Variants in TPP2 observed in about 807,000 individuals in gnomAD.
TPP2 encodes the protein tripeptidyl peptidase 2.
Under a neutral mutation model 155.9 loss-of-function variants are expected in TPP2, and 34 were observed. That is an observed-to-expected ratio of 0.22 (90% CI 0.17 to 0.29). The LOEUF (loss-of-function observed/expected upper bound fraction) is 0.29, where lower values mean the gene tolerates loss of function less well. TPP2 is among the 10% of genes least tolerant of loss of function. The probability of loss-of-function intolerance (pLI) is 1.00; values close to 1 mark genes in which losing one functional copy is unlikely to be tolerated. For synonymous variants in TPP2, 510 were observed against 529.4 expected (o/e 0.96, Z 0.50); for missense variants, 1,028 against 1,522.3 (o/e 0.68, Z 5.40).
chr13:102,626,848 A>G (rs889922754), intron 6 of TPP2, 164 bp from the exon 7 acceptor site: 1 of 480,962 alleles, frequency 2.1e-6, no homozygotes, highest in Admixed American at 3.9e-5. Flanking sequence ...TCAGCTATAC[A>G]TGTTGCAAAT....
At chr13:102,600,717 G>GA (rs112879304) in intron 1 of TPP2, among the ~76,000 whole-genome samples, 446 of 151,590 alleles carry the variant, frequency 2.9e-3, no homozygotes, top group South Asian at 6.0e-3. Flanking sequence ...CTCATAGAGG[G>GA]AAAAAAAAGG....
At chr13:102,672,911 T>C (rs889365099) in intron 27 of TPP2, among the ~76,000 whole-genome samples, 2 of 152,230 alleles carry the variant, frequency 1.3e-5, no homozygotes, top group Non-Finnish European at 2.9e-5. Context: ...TTTGAGGCAC[T>C]GTGCTGAGAA....
chr13:102,666,625 C>T (rs1260009459), intron 27 of TPP2, among the ~76,000 whole-genome samples: 1 of 152,066 alleles, frequency 6.6e-6, no homozygotes, highest in East Asian at 1.9e-4. Flanking sequence ...TTCTCAAACT[C>T]GGGTGTTACA....
intron 11 of TPP2, among the ~76,000 whole-genome samples, chr13:102,634,655 CCA>C (rs1026944374): frequency 2.7e-4 from 41 of 152,330 alleles, no homozygotes; most frequent in Non-Finnish European, 3.4e-4. Flanking sequence ...CTCACCCACA[CCA>C]CAGTTTCTTC....
chr13:102,666,989 C>G (rs1446058168), intron 27 of TPP2, among the ~76,000 whole-genome samples: 1 of 151,918 alleles, frequency 6.6e-6, no homozygotes, highest in Non-Finnish European at 1.5e-5. Context: ...TTTGCTTTGG[C>G]CTGACTGAAA....
intron 29 of TPP2, among the ~76,000 whole-genome samples, chr13:102,676,763 A>C (rs998120982): frequency 2.6e-5 from 4 of 152,226 alleles, no homozygotes; most frequent in African/African-American, 9.6e-5. Context: ...AAATGGTTCA[A>C]CTTCTGGAGT....
At position 102,618,757 on chromosome 13, in the gene TPP2, A is replaced by G; in HGVS notation, c.531A>G (p.Gln177=). 1 of 1,613,964 alleles carries G rather than the reference A, an allele frequency of 6.2e-7. No individual in the cohort carries two copies. Among genetic ancestry groups the G allele is most frequent in the Non-Finnish European group, 8.5e-7 (1 of 1,179,878 alleles). Residue 177 remains glutamine (Q), a synonymous_variant, in exon 5 of 30, where the codon CAA becomes CAG. Coordinates refer to ENST00000376052, the MANE Select transcript of TPP2 (RefSeq NM_001330588.2). ...NKLIKEELQS[Q]VELLNSFEKK... is the part of the protein sequence containing the mutation. ...TAATCAAGGAGGAACTTCAAAGTCA[A>G]GTGGAATTGCTAAATTCTTTTGAGA...
chr13:102,597,664 C>T (rs1879074417), intron 1 of TPP2, among the ~76,000 whole-genome samples: 2 of 152,346 alleles, frequency 1.3e-5, no homozygotes, highest in East Asian at 3.9e-4. Context: ...AATTTTACAG[C>T]TTTTATCATT....
At chr13:102,644,176 A>T (rs1007816044) in intron 17 of TPP2, among the ~76,000 whole-genome samples, 10 of 152,086 alleles carry the variant, frequency 6.6e-5, no homozygotes, top group Non-Finnish European at 1.3e-4. Flanking sequence ...AATTGTGCCT[A>T]TTGAGTATGC....
Position 102,643,333 on chromosome 13 carries a change from C to G in TPP2, c.2132C>G (p.Ser711Cys), listed in dbSNP as rs1311867975. The G allele has an allele frequency of 5.6e-6, 9 of 1,612,872 alleles. No homozygotes were observed. Among genetic ancestry groups the G allele is most frequent in the African/African-American group, 1.3e-5 (1 of 74,962 alleles). The change falls in exon 17 of 30, where the codon TCT becomes TGT. Residue 711 changes from serine to cysteine, a missense_variant. Transcript: ENST00000376052. ...AGCCATGAATTCTATAAGTTTTGTT[C>G]TCTTCCAGAGAAAGGAACACTGACT... ...YRSHEFYKFC[S>C]LPEKGTLTEA...
In TPP2 at chr13:102,643,391, A is replaced by C. The variant is rs1361600393; in HGVS notation, c.2175+15A>C. The C allele has an allele frequency of 6.3e-7, 1 of 1,588,852 alleles. No homozygotes were observed. Among genetic ancestry groups the C allele is most frequent in the Admixed American group, 1.8e-5 (1 of 54,214 alleles). Reference sequence around the variant, plus strand: ...TTCCTGTCCTAGTAAGTTTAATTATAGTTTATAATCCTAACACAATTTATT... The same window carrying C: ...TTCCTGTCCTAGTAAGTTTAATTATCGTTTATAATCCTAACACAATTTATT... On this transcript the variant is annotated intron_variant, in intron 17 of 29. Coordinates refer to ENST00000376052, the MANE Select transcript of TPP2 (RefSeq NM_001330588.2).
chr13:102,664,177 C>T (rs542750304), intron 26 of TPP2, among the ~76,000 whole-genome samples: 2 of 152,280 alleles, frequency 1.3e-5, no homozygotes, highest in African/African-American at 4.8e-5. Context: ...TTCATCAAAG[C>T]AGTGGGAAAG....
chr13:102,621,921 GT>G (rs1881196957), intron 5 of TPP2, among the ~76,000 whole-genome samples: 4 of 152,144 alleles, frequency 2.6e-5, no homozygotes, highest in African/African-American at 7.2e-5. Context: ...GCCTGATTCT[GT>G]TTAATATGTG....
Position 102,627,060 on chromosome 13 carries a change from A to C in TPP2, c.833A>C (p.Glu278Ala), listed in dbSNP as rs749761916. 58 of 1,597,938 alleles carry C rather than the reference A, an allele frequency of 3.6e-5. No individual in the cohort carries two copies. In the South Asian group the frequency reaches 6.0e-4, roughly 16 times the overall value. ...VASIAAGHFP[E>A]EPERNGVAPG... is the part of the protein sequence containing the mutation. ...AGTATAGCTGCTGGACACTTTCCAG[A>C]AGAACCTGAACGGAATGGGGTAGCT... The change falls in exon 7 of 30, where the codon GAA becomes GCA. Residue 278 changes from glutamate (E) to alanine (A), a missense_variant. Glu to Ala is a moderately radical substitution (Grantham distance 107). Coordinates refer to ENST00000376052, the MANE Select transcript of TPP2 (RefSeq NM_001330588.2).
intron 21 of TPP2, among the ~76,000 whole-genome samples, chr13:102,648,185 T>C (rs1883252708): frequency 6.6e-6 from 1 of 152,204 alleles, no homozygotes; most frequent in South Asian, 2.1e-4. Context: ...TCCTGTTTTT[T>C]TCCTGTCTGT....
intron 5 of TPP2, among the ~76,000 whole-genome samples, chr13:102,620,714 G>T (rs1322966209): frequency 1.3e-5 from 2 of 152,212 alleles, no homozygotes; most frequent in African/African-American, 4.8e-5. Flanking sequence ...GGCCTCAGAT[G>T]ACTCTGTTCT....
At chr13:102,624,193 C>T (rs998379842) in intron 6 of TPP2, among the ~76,000 whole-genome samples, 2 of 152,004 alleles carry the variant, frequency 1.3e-5, no homozygotes, top group African/African-American at 2.4e-5. Context: ...GTGTTTATAT[C>T]GTGAAAATGT....
At chr13:102,664,430 T>C (rs1331912091) in intron 26 of TPP2, among the ~76,000 whole-genome samples, 2 of 152,084 alleles carry the variant, frequency 1.3e-5, no homozygotes, top group African/African-American at 4.8e-5. Context: ...AGTGTGCAAC[T>C]AGAGTAATGA....
At chr13:102,597,290 A>C (rs962780400) in intron 1 of TPP2, 87 bp downstream of exon 1, 2 of 775,052 alleles carry the variant, frequency 2.6e-6, no homozygotes, top group Non-Finnish European at 3.6e-6. Flanking sequence ...CGGCAGGCCA[A>C]AGCCCCGCTC....
Sources: allele counts gnomAD v4.1 joint callset (sites outside exome capture counted in the v4.1 genomes callset), GRCh38; gene constraint gnomAD v4.1.1; transcripts MANE v1.5; gene names NCBI Gene and HGNC (gene_info 2026-07-23, HGNC 2026-07-21).